Variants in GLRX3 observed in about 807,000 individuals in gnomAD.
GLRX3 encodes glutaredoxin 3.
GLRX3 carries 22 observed loss-of-function variants against 49.5 expected under a neutral mutation model. That is an observed-to-expected ratio of 0.44 (90% CI 0.32 to 0.63). The LOEUF is 0.63. Ranked by LOEUF, GLRX3 falls within the 30% of genes least tolerant of loss-of-function variation. The probability of loss-of-function intolerance (pLI) is 0.05; values close to 1 mark genes in which losing one functional copy is unlikely to be tolerated. For synonymous variants in GLRX3, 133 were observed against 140.0 expected, an observed-to-expected ratio of 0.95 and a Z score of 0.35; for missense variants, 385 against 396.3, an observed-to-expected ratio of 0.97 and a Z score of 0.24.
At chr10:130,162,951 A>G (rs1862604970) in intron 4 of GLRX3, among the ~76,000 whole-genome samples, 1 of 152,042 alleles carries the variant, frequency 6.6e-6, no homozygotes, top group African/African-American at 2.4e-5. Flanking sequence ...TGATTATTCA[A>G]GTAAATTAGA....
intron 7 of GLRX3, among the ~76,000 whole-genome samples, chr10:130,170,975 A>C (rs1488035781): frequency 6.6e-6 from 1 of 152,072 alleles, no homozygotes; most frequent in Non-Finnish European, 1.5e-5. Context: ...AAAAATACAA[A>C]AAGTTTGCTG....
intron 1 of GLRX3, among the ~76,000 whole-genome samples, chr10:130,137,058 C>T (rs983578811): frequency 1.3e-5 from 2 of 151,936 alleles, no homozygotes; most frequent in African/African-American, 2.4e-5. Context: ...AGGGAAGGCC[C>T]CGTTGCATTA....
intron 3 of GLRX3, among the ~76,000 whole-genome samples, chr10:130,160,319 C>A (rs1862549719): frequency 6.6e-6 from 1 of 152,000 alleles, no homozygotes; most frequent in South Asian, 2.1e-4. Context: ...GCTTCTTGAT[C>A]AAAATTCAGA....
chr10:130,145,643 CAG>C (rs1178252714), intron 2 of GLRX3, among the ~76,000 whole-genome samples: 3 of 151,938 alleles, frequency 2.0e-5, no homozygotes, highest in African/African-American at 7.3e-5. Context: ...GCCTGGGTGA[CAG>C]AGCGAGACGC....
At chr10:130,170,169 G>T (rs1320788918) in intron 7 of GLRX3, among the ~76,000 whole-genome samples, 1 of 152,188 alleles carries the variant, frequency 6.6e-6, no homozygotes, top group Non-Finnish European at 1.5e-5. Context: ...CATAGCAATT[G>T]AACCTCTACT....
chr10:130,143,684 G>T (rs931227460), intron 1 of GLRX3, among the ~76,000 whole-genome samples: 3 of 151,442 alleles, frequency 2.0e-5, no homozygotes, highest in Non-Finnish European at 4.4e-5. Flanking sequence ...GAGCCACCTT[G>T]CCTGGCCTAG....
At position 130,145,296 on chromosome 10, in the gene GLRX3, C is replaced by G. The variant is rs146076334; in HGVS notation, c.178C>G (p.Leu60Val). 2 of 1,478,718 alleles carry G rather than the reference C, an allele frequency of 1.4e-6. No individual in the cohort carries two copies. The highest frequency in any genetic ancestry group is 1.9e-6 in the Non-Finnish European group (2 of 1,056,988). The allele number at this position is 1,478,718 out of a possible 1,614,324, so 91.6% of individuals were successfully genotyped here. The change falls in exon 2 of 11, where the codon CTC (leucine) becomes GTC (valine). Residue 60 changes from leucine (L) to valine (V), a missense_variant. Leu to Val is a conservative substitution (Grantham distance 32, BLOSUM62 1). Around this residue, in one of 2 missense-constraint regions of GLRX3, gnomAD observed 374 missense variants for 358.6 expected, o/e 1.04. Coordinates refer to ENST00000331244, the MANE Select transcript of GLRX3 (RefSeq NM_006541.5). ...AGTTATGGCAGAGTTAGCTAAAGAA[C>G]TCCCTCAAGTTTCATTTGTGAAGGT... ...NEVMAELAKE[L>V]PQVSFVKLEA...
At position 130,178,773 on chromosome 10, in the gene GLRX3, G is replaced by C. The variant is rs183320627; in HGVS notation, c.958-569G>C. Among the ~76,000 whole-genome samples, 363 of 152,228 alleles carry C rather than the reference G, an allele frequency of 2.4e-3. 3 individuals carry two copies. Among genetic ancestry groups the C allele is most frequent in the African/African-American group, 7.4e-3 (309 of 41,552 alleles). On this transcript the variant is annotated intron_variant, in intron 10 of 10. Coordinates refer to ENST00000331244, the MANE Select transcript of GLRX3 (RefSeq NM_006541.5). ...GCTGGAGTGCAATGGCACGATCTTG[G>C]CTCACTACAATCTCCACCTCCCGGG...
chr10:130,159,471 A>G (rs1252686166), intron 2 of GLRX3, among the ~76,000 whole-genome samples: 3 of 152,224 alleles, frequency 2.0e-5, no homozygotes, highest in African/African-American at 7.2e-5. Context: ...GCAGCCTTGC[A>G]GGAGTTAAAA....
At chr10:130,139,022 T>C (rs12261685) in intron 1 of GLRX3, among the ~76,000 whole-genome samples, 15,099 of 151,648 alleles carry the variant, frequency 0.1, 762 homozygotes, top group Middle Eastern at 0.13. Context: ...CCACCACGCC[T>C]GGCTAATTTT....
intron 1 of GLRX3, among the ~76,000 whole-genome samples, chr10:130,139,087 C>G (rs1014347879): frequency 5.3e-5 from 8 of 151,930 alleles, no homozygotes; most frequent in African/African-American, 1.9e-4. Context: ...TCTTGAACTC[C>G]TGACCTTAGG....
chr10:130,179,309 A>G (rs1419661273), intron 10 of GLRX3, 33 bp from the exon 11 acceptor site: 4 of 987,106 alleles, frequency 4.1e-6, no homozygotes, highest in Non-Finnish European at 4.8e-6. Flanking sequence ...ATATATGCAT[A>G]TACATATTAT....
At chr10:130,148,459 T>A (rs1052695436) in intron 2 of GLRX3, among the ~76,000 whole-genome samples, 3 of 126,002 alleles carry the variant, frequency 2.4e-5, no homozygotes, top group African/African-American at 8.5e-5. Flanking sequence ...TTTTTTTTTT[T>A]TAATGATGAA....
In GLRX3 at chr10:130,174,952, T is replaced by C. The variant is rs770987890; in HGVS notation, c.865-45T>C. ...TTCACCCTTGTCTTAGCTTTAATCT[T>C]AAGGGCCTGATAGGATGGTTTCAGG... On this transcript the variant is annotated intron_variant, in intron 9 of 10. Transcript: ENST00000331244. 3 of 1,565,556 alleles carry C rather than the reference T, an allele frequency of 1.9e-6. No homozygotes were observed. In the East Asian group the frequency reaches 6.7e-5, roughly 35 times the overall value.
At chr10:130,148,319 T>TACAAAA (rs1357517499) in intron 2 of GLRX3, among the ~76,000 whole-genome samples, 1 of 151,822 alleles carries the variant, frequency 6.6e-6, no homozygotes, top group African/African-American at 2.4e-5. Context: ...TTTGTAGCGA[T>TACAAAA]ACGGTTTCAC....
At chr10:130,173,703 C>T (rs537118818) in intron 8 of GLRX3, among the ~76,000 whole-genome samples, 56 of 152,276 alleles carry the variant, frequency 3.7e-4, no homozygotes, top group African/African-American at 1.3e-3. Flanking sequence ...GATCTGCCAC[C>T]TTTAGTTCAA....
At chr10:130,167,979 A>G (rs552061303) in intron 6 of GLRX3, among the ~76,000 whole-genome samples, 27 of 152,242 alleles carry the variant, frequency 1.8e-4, no homozygotes, top group African/African-American at 6.5e-4. Context: ...TGTGGTCTCC[A>G]AAGACAGCTG....
chr10:130,164,181 A>C (rs757772721), intron 4 of GLRX3, among the ~76,000 whole-genome samples: 1 of 152,122 alleles, frequency 6.6e-6, no homozygotes, highest in Non-Finnish European at 1.5e-5. Context: ...TATGAGCCTG[A>C]CGTGTAGATA....
intron 5 of GLRX3, 58 bp from the exon 6 acceptor site, chr10:130,166,861 A>G (rs988979972): frequency 2.6e-6 from 3 of 1,139,224 alleles, no homozygotes; most frequent in Admixed American, 3.9e-5. Flanking sequence ...TGGTATGATC[A>G]AGGAGATTTA....
Sources: allele counts gnomAD v4.1 joint callset (sites outside exome capture counted in the v4.1 genomes callset), GRCh38; gene constraint gnomAD v4.1.1; regional missense constraint gnomAD v4.1.1; transcripts MANE v1.5; gene names NCBI Gene and HGNC (gene_info 2026-07-23, HGNC 2026-07-21).